ACCSL: variants seen among roughly 807,000 people sequenced by gnomAD.
The protein encoded by ACCSL is probable inactive 1-aminocyclopropane-1-carboxylate synthase-like protein 2.
Under a neutral mutation model 61.7 loss-of-function variants are expected in ACCSL, and 55 were observed. That is an observed-to-expected ratio of 0.89 (90% CI 0.72 to 1.12). The LOEUF is 1.12. Among genes scored for constraint, ACCSL ranks in the 50% most tolerant of loss-of-function variants. The probability of loss-of-function intolerance (pLI) is 0.00; values close to 1 mark genes in which losing one functional copy is unlikely to be tolerated. For missense variants in ACCSL, 632 were observed against 698.0 expected (o/e 0.91, Z 1.07); for synonymous variants, 258 against 264.3 (o/e 0.98, Z 0.23).
At chr11:44,046,541 G>T (rs532251867), upstream of ACCSL, among the ~76,000 whole-genome samples, 17 of 152,380 alleles carry the variant, frequency 1.1e-4, no homozygotes, top group East Asian at 3.3e-3. Context: ...CTAAGGTGAG[G>T]TATAGGTTGC....
the ACCSL span, among the ~76,000 whole-genome samples, chr11:43,926,792 C>A: frequency 1.3e-5 from 2 of 152,180 alleles, no homozygotes; most frequent in African/African-American, 4.8e-5. Flanking sequence ...CTCTTTTGCC[C>A]AGGTTGGAGG....
At chr11:43,990,723 G>A in the ACCSL span, among the ~76,000 whole-genome samples, 35 of 152,198 alleles carry the variant, frequency 2.3e-4, no homozygotes, top group East Asian at 5.4e-3. Context: ...TCCTTTAGCC[G>A]CTCCTGGTGC....
At chr11:44,014,685 T>C in the ACCSL span, among the ~76,000 whole-genome samples, 141 of 152,106 alleles carry the variant, frequency 9.3e-4, no homozygotes, top group African/African-American at 2.9e-3. Flanking sequence ...TCTTGGAGGA[T>C]GGTGACCCTA....
intron 5 of ACCSL, among the ~76,000 whole-genome samples, chr11:44,052,307 C>T (rs57382925): frequency 6.6e-6 from 1 of 152,220 alleles, no homozygotes; most frequent in Non-Finnish European, 1.5e-5. Context: ...TGTGCATGGA[C>T]CTTGACCTCT....
the ACCSL span, among the ~76,000 whole-genome samples, chr11:43,929,700 C>T: frequency 6.6e-6 from 1 of 152,176 alleles, no homozygotes; most frequent in Admixed American, 6.5e-5. Context: ...AGCCACCATG[C>T]CCGACCGCTA....
At chr11:43,985,149 C>T in the ACCSL span, among the ~76,000 whole-genome samples, 1 of 152,206 alleles carries the variant, frequency 6.6e-6, no homozygotes, top group African/African-American at 2.4e-5. Flanking sequence ...TGCTTTCTCC[C>T]TTTCTCAGAG....
At chr11:43,974,138 G>A in the ACCSL span, 1 of 152,228 alleles carries the variant, frequency 6.6e-6, no homozygotes, top group Non-Finnish European at 1.5e-5. Context: ...GGCAGGAAGA[G>A]ACCTCAAGAT....
intron 9 of ACCSL, 123 bp from the exon 10 acceptor site, chr11:44,055,917 G>A (rs951674805): frequency 6.3e-6 from 7 of 1,111,270 alleles, no homozygotes; most frequent in Non-Finnish European, 9.1e-6. Flanking sequence ...TGTTTCTTGA[G>A]CTTTGGGCCC....
At chr11:43,998,850 G>A in the ACCSL span, among the ~76,000 whole-genome samples, 13 of 150,418 alleles carry the variant, frequency 8.6e-5, no homozygotes, top group Non-Finnish European at 1.3e-4. Flanking sequence ...GCCTCAAACC[G>A]CCAGGCTCAG....
At position 44,055,067 on chromosome 11, in the gene ACCSL, G is replaced by A. The variant is rs547529959; in HGVS notation, c.1050-135G>A. 40 of 594,352 alleles carry A rather than the reference G, an allele frequency of 6.7e-5. No individual in the cohort carries two copies. The South Asian group carries it at 6.9e-4, about 10-fold the overall frequency. 36.8% of individuals were successfully genotyped at this position (594,352 alleles called of 1,614,324 possible). ...GTCAGATGGGCTGCTGGGGCAGTAG[G>A]AGTGCATGATCTGTGTCCAGAGAAC... On this transcript the variant is annotated intron_variant, in intron 8 of 13. Transcript: ENST00000378832.
the ACCSL span, among the ~76,000 whole-genome samples, chr11:43,967,971 A>G: frequency 2.6e-5 from 4 of 152,320 alleles, no homozygotes; most frequent in Non-Finnish European, 4.4e-5. Flanking sequence ...CTTGTGTTAT[A>G]TACCAGGGAT....
At chr11:44,025,526 A>G in the ACCSL span, among the ~76,000 whole-genome samples, 1 of 152,176 alleles carries the variant, frequency 6.6e-6, no homozygotes, top group Non-Finnish European at 1.5e-5. Context: ...ATAAGACTGT[A>G]ACAGTTTTGT....
the ACCSL span, among the ~76,000 whole-genome samples, chr11:43,981,858 G>C: frequency 6.6e-6 from 1 of 152,134 alleles, no homozygotes; most frequent in South Asian, 2.1e-4. Flanking sequence ...CCCTCTCCCC[G>C]CCCAGGGCAA....
chr11:44,043,338 G>A (rs1952584625), upstream of ACCSL, among the ~76,000 whole-genome samples: 1 of 152,186 alleles, frequency 6.6e-6, no homozygotes, highest in South Asian at 2.1e-4. Flanking sequence ...GGTATTGCCT[G>A]TGGAAATACT....
chr11:44,004,416 G>A, the ACCSL span, among the ~76,000 whole-genome samples: 1 of 151,800 alleles, frequency 6.6e-6, no homozygotes, highest in Non-Finnish European at 1.5e-5. Flanking sequence ...AGTCTCACCA[G>A]CCTGTTCCAA....
the ACCSL span, chr11:43,943,462 C>T: frequency 5.7e-6 from 8 of 1,411,108 alleles, no homozygotes; most frequent in Admixed American, 8.5e-5. This position sits in a 1 kb window ranked among gnomAD's most constrained non-coding sequence, Gnocchi z 4.8. Context: ...CGCCCTGGCC[C>T]GGGAGCGCCG....
At chr11:43,990,340 G>A in the ACCSL span, among the ~76,000 whole-genome samples, 1 of 152,164 alleles carries the variant, frequency 6.6e-6, no homozygotes, top group Non-Finnish European at 1.5e-5. Context: ...AGGCTGGGAA[G>A]TCCAACATCA....
upstream of ACCSL, among the ~76,000 whole-genome samples, chr11:44,047,816 A>C (rs1013118738): frequency 6.6e-6 from 1 of 152,220 alleles, no homozygotes; most frequent in Non-Finnish European, 1.5e-5. Context: ...TCTAGGCTTG[A>C]GGCCATGTAC....
chr11:44,048,348 T>C lies in ACCSL; in HGVS notation c.312T>C (p.Asp104=). ...VPLPSEDSRG[D]VRYGQRAQLS... ...TTCCTTCTGAGGACTCTAGGGGTGA[T>C]GTCAGATATGGGCAGAGGGCCCAAC... Residue 104 remains aspartate (D), a synonymous_variant, in exon 1 of 14, where the codon GAT becomes GAC. Coordinates refer to ENST00000378832, the MANE Select transcript of ACCSL (RefSeq NM_001031854.2). 2.5e-6 allele frequency: 4 copies of C among 1,613,994 alleles called. No homozygotes were observed. Among genetic ancestry groups the C allele is most frequent in the Non-Finnish European group, 3.4e-6 (4 of 1,179,970 alleles).
Sources: allele counts gnomAD v4.1 joint callset (sites outside exome capture counted in the v4.1 genomes callset), GRCh38; gene constraint gnomAD v4.1.1; non-coding constraint Gnocchi (gnomAD v3.1); transcripts MANE v1.5; gene names NCBI Gene and HGNC (gene_info 2026-07-23, HGNC 2026-07-21).